STYXL1: variants seen among roughly 807,000 people sequenced by gnomAD.
STYXL1 encodes the protein serine/threonine/tyrosine-interacting-like protein 1.
A neutral mutation model predicts 36.4 loss-of-function variants in STYXL1; 32 were observed. That is an observed-to-expected ratio of 0.88 (90% confidence interval 0.66 to 1.18). The LOEUF is 1.18. STYXL1 is among the 50% of genes most tolerant of loss of function. The probability of loss-of-function intolerance (pLI) is 0.00; values close to 1 mark genes in which losing one functional copy is unlikely to be tolerated. For synonymous variants in STYXL1, 133 were observed against 144.1 expected (o/e 0.92, Z 0.55); for missense variants, 354 against 394.1 (o/e 0.90, Z 0.86).
chr7:76,042,878 G>A (rs149622478), intron 1 of STYXL1, among the ~76,000 whole-genome samples: 45 of 152,294 alleles, frequency 3.0e-4, no homozygotes, highest in Non-Finnish European at 5.1e-4. Flanking sequence ...GAAACCAGAA[G>A]CCAGCCCCTA....
chr7:76,017,949 T>A (rs1166955917), intron 4 of STYXL1, among the ~76,000 whole-genome samples: 1 of 151,080 alleles, frequency 6.6e-6, no homozygotes, highest in Non-Finnish European at 1.5e-5. Context: ...ACCTGGGTGA[T>A]GGGTTCAATA....
chr7:76,031,331 CAAAAAAAAAAAAAAAAAA>C (rs60550486), intron 1 of STYXL1, among the ~76,000 whole-genome samples: 1 of 42,296 alleles, frequency 2.4e-5, no homozygotes, highest in East Asian at 1.1e-3. Context: ...ACTCTGTCTC[CAAAAAAAAAAAAAAAAAA>C]AAAAAAAAAG....
chr7:76,009,233 C>T (rs1385782538), intron 5 of STYXL1, among the ~76,000 whole-genome samples: 2 of 152,036 alleles, frequency 1.3e-5, no homozygotes, highest in Non-Finnish European at 2.9e-5. Flanking sequence ...CCGAACTGGG[C>T]ACACTGCCTT....
chr7:76,009,044 C>T (rs1483916702), intron 5 of STYXL1, among the ~76,000 whole-genome samples: 1 of 152,012 alleles, frequency 6.6e-6, no homozygotes, highest in Non-Finnish European at 1.5e-5. Flanking sequence ...CCACAAAAAT[C>T]CCATAGCAAA....
At chr7:76,002,330 T>C (rs1359874507) in intron 7 of STYXL1, among the ~76,000 whole-genome samples, 1 of 152,194 alleles carries the variant, frequency 6.6e-6, no homozygotes, top group African/African-American at 2.4e-5. Context: ...AAATCTAAGC[T>C]GGCACCCGAG....
At chr7:76,030,675 T>C (rs1795229756) in intron 1 of STYXL1, 148 bp from the exon 2 acceptor site, 2 of 607,724 alleles carry the variant, frequency 3.3e-6, no homozygotes, top group Non-Finnish European at 6.0e-6. Context: ...GCTTCAAAAC[T>C]GTATAGTGAA....
chr7:76,031,161 AAATAAT>A lies in STYXL1; in HGVS notation c.-4-640_-4-635del, dbSNP rs200880666. Among the ~76,000 whole-genome samples, 23 of 142,044 alleles carry A rather than the reference AAATAAT, an allele frequency of 1.6e-4. No individual in the cohort carries two copies. The East Asian group carries it at 4.4e-3, about 27-fold the overall frequency. The allele number at this position is 142,044 out of a possible 152,430, so 93.2% of individuals were successfully genotyped here. Reference sequence around the variant, plus strand: ...GGGTGACAGAGCGAGACTCTGTCTAAAATAATAATAATAATAATAATTAGCCAGGCA... The same window carrying A: ...GGGTGACAGAGCGAGACTCTGTCTAAAATAATAATAATAATTAGCCAGGCA... On this transcript the variant is annotated intron_variant, in intron 1 of 8. Coordinates refer to ENST00000359697, the MANE Select transcript of STYXL1 (RefSeq NM_001317785.2).
At chr7:76,002,739 C>A (rs1563461340) in intron 7 of STYXL1, among the ~76,000 whole-genome samples, 1 of 151,982 alleles carries the variant, frequency 6.6e-6, no homozygotes, top group Non-Finnish European at 1.5e-5. Flanking sequence ...GTTTGGGCAA[C>A]ATGGCAAAAC....
Position 76,018,155 on chromosome 7 carries a change from C to G in STYXL1, c.307+3696G>C, listed in dbSNP as rs527885519. 2.2e-3 allele frequency among the ~76,000 whole-genome samples: 341 copies of G among 152,122 alleles called. 3 individuals carry two copies. The highest frequency in any genetic ancestry group is 7.8e-3 in the African/African-American group (325 of 41,508). ...GTGCTGGGACTACAGGTGTGAGCGA[C>G]AGTGCCCGGCCTAATTTTAGAACAT... On this transcript the variant is annotated intron_variant, in intron 4 of 8. Transcript: ENST00000359697.
intron 4 of STYXL1, among the ~76,000 whole-genome samples, chr7:76,020,092 C>T (rs1793880929): frequency 6.6e-6 from 1 of 152,014 alleles, no homozygotes; most frequent in Non-Finnish European, 1.5e-5. Flanking sequence ...ATGGGGGCCC[C>T]ATAGCAAAGT....
At chr7:76,040,760 T>TG (rs1176764213) in intron 1 of STYXL1, among the ~76,000 whole-genome samples, 1 of 149,150 alleles carries the variant, frequency 6.7e-6, no homozygotes, top group East Asian at 2.0e-4. Flanking sequence ...CGCTTGAACC[T>TG]GGGAGACGGA....
At chr7:76,026,338 C>G (rs1794727333) in intron 3 of STYXL1, among the ~76,000 whole-genome samples, 1 of 151,336 alleles carries the variant, frequency 6.6e-6, no homozygotes, top group Admixed American at 6.6e-5. Context: ...TGCTCTGTCG[C>G]CCAGGCTGGA....
At position 76,026,993 on chromosome 7, in the gene STYXL1, G is replaced by A. The variant is rs183658178; in HGVS notation, c.165+1649C>T. Among the ~76,000 whole-genome samples, 7 of 152,246 alleles carry A rather than the reference G, an allele frequency of 4.6e-5. No homozygotes were observed. In the East Asian group the frequency reaches 1.4e-3, roughly 29 times the overall value. On this transcript the variant is annotated intron_variant, in intron 3 of 8. Transcript: ENST00000359697. ...CAGGAGAATCATTTGAACCTGGGAG[G>A]CAGAGGTTGCAGTGAGCCGAAATTG...
chr7:76,029,723 A>T (rs1795112348), intron 2 of STYXL1, among the ~76,000 whole-genome samples: 1 of 152,164 alleles, frequency 6.6e-6, no homozygotes, highest in Non-Finnish European at 1.5e-5. Context: ...ATAGTGACAG[A>T]TCATCAGGCA....
intron 1 of STYXL1, among the ~76,000 whole-genome samples, chr7:76,032,470 C>T (rs1315400160): frequency 2.0e-5 from 3 of 150,434 alleles, no homozygotes; most frequent in Non-Finnish European, 3.0e-5. Flanking sequence ...CAGCACTTTT[C>T]GAGGCTGAGG....
intron 3 of STYXL1, among the ~76,000 whole-genome samples, chr7:76,022,957 AAAAC>A (rs533873374): frequency 2.7e-4 from 41 of 152,224 alleles, no homozygotes; most frequent in East Asian, 1.5e-3. Context: ...AAAACAAAAC[AAAAC>A]AAACAAACAA....
chr7:76,029,248 G>A (rs942645993), intron 2 of STYXL1, among the ~76,000 whole-genome samples: 19 of 152,130 alleles, frequency 1.2e-4, no homozygotes, highest in African/African-American at 4.3e-4. Flanking sequence ...CTGGGTTCAA[G>A]CGATTTTCCT....
intron 4 of STYXL1, among the ~76,000 whole-genome samples, chr7:76,016,341 T>TAC (rs1236061286): frequency 6.6e-6 from 1 of 151,402 alleles, no homozygotes; most frequent in African/African-American, 2.4e-5. Context: ...TGTGTATATA[T>TAC]ACACGTATAT....
intron 5 of STYXL1, 100 bp downstream of exon 5, chr7:76,013,642 C>CT (rs1315359057): frequency 1.2e-5 from 19 of 1,538,732 alleles, no homozygotes; most frequent in Middle Eastern, 1.8e-4. Context: ...TCTATATCCT[C>CT]TGTCCCATCC....
Sources: allele counts gnomAD v4.1 joint callset (sites outside exome capture counted in the v4.1 genomes callset), GRCh38; gene constraint gnomAD v4.1.1; transcripts MANE v1.5; gene names NCBI Gene and HGNC (gene_info 2026-07-23, HGNC 2026-07-21).